Variants in DPP6 observed in about 807,000 individuals in gnomAD.
DPP6 encodes dipeptidyl peptidase like 6.
A neutral mutation model predicts 122.6 loss-of-function variants in DPP6; 69 were observed. The observed-to-expected ratio is 0.56, with a 90% CI of 0.46 to 0.69. DPP6 has a LOEUF of 0.69. Ranked by LOEUF, DPP6 falls within the 30% of genes least tolerant of loss-of-function variation. The pLI is 0.00. For missense variants in DPP6, 928 were observed against 1,116.9 expected (o/e 0.83, Z 2.41); for synonymous variants, 418 against 433.1 (o/e 0.97, Z 0.43).
At chr7:154,707,625 C>A (rs1385279550) in intron 7 of DPP6, among the ~76,000 whole-genome samples, 1 of 152,184 alleles carries the variant, frequency 6.6e-6, no homozygotes, top group Non-Finnish European at 1.5e-5. Context: ...TGAGAATCAT[C>A]AGGAATCTTA....
chr7:154,270,088 C>T (rs1464027788), intron 1 of DPP6, among the ~76,000 whole-genome samples: 1 of 152,102 alleles, frequency 6.6e-6, no homozygotes, highest in Non-Finnish European at 1.5e-5. Context: ...CTCATTTTCC[C>T]ATCGAGTTAA....
the DPP6 span, among the ~76,000 whole-genome samples, chr7:153,808,025 C>G: frequency 6.6e-6 from 1 of 152,104 alleles, no homozygotes; most frequent in African/African-American, 2.4e-5. Flanking sequence ...AGGCTTCCCA[C>G]TGGCTCCTTT....
the DPP6 span, among the ~76,000 whole-genome samples, chr7:153,780,910 C>T: frequency 6.6e-6 from 1 of 152,106 alleles, no homozygotes; most frequent in Non-Finnish European, 1.5e-5. Context: ...CCTGGTGTCT[C>T]CTTGTAACTT....
rs373636744 is a variant in DPP6 at position 154,403,824 on chromosome 7, T to G, written c.244-42390T>G. 3.3e-5 allele frequency among the ~76,000 whole-genome samples: 5 copies of G among 152,346 alleles called. No homozygotes were observed. Among genetic ancestry groups the G allele is most frequent in the African/African-American group, 1.2e-4 (5 of 41,588 alleles). On this transcript the variant is annotated intron_variant, in intron 1 of 25. Transcript: ENST00000377770. The surrounding 1 kb of genome is among the most constrained non-coding windows in gnomAD (Gnocchi z 4.1). The stretch of plus-strand genomic sequence containing the variant: ...TGTAAAGGACAGCTCTTTATTTGGC[T>G]GTGAATATCCACCACTGTCTTCCTA...
chr7:154,858,896 C>T (rs1196270036), intron 17 of DPP6, among the ~76,000 whole-genome samples: 1 of 152,200 alleles, frequency 6.6e-6, no homozygotes, highest in Non-Finnish European at 1.5e-5. Flanking sequence ...CACACAGCAC[C>T]AGGCCCCTTC....
At chr7:154,808,023 T>A (rs765783028) in intron 16 of DPP6, among the ~76,000 whole-genome samples, 62 of 152,052 alleles carry the variant, frequency 4.1e-4, no homozygotes, top group African/African-American at 1.1e-3. Context: ...TGGAAAGATA[T>A]GATATGAACC....
rs1360701984 is a variant in DPP6, at chr7:154,052,761, C to T, written c.-60C>T. On this transcript the variant is annotated 5_prime_UTR_variant, in exon 1 of 26. Transcript: ENST00000377770. This position sits in a 1 kb window ranked among gnomAD's most constrained non-coding sequence, Gnocchi z 4.8. ...TCTGGAGCGGGGTGGGGAGTGGGAACCGGAGAGAAAGCAAAATATTAAAAA... is the reference window on the plus strand; with the variant it reads ...TCTGGAGCGGGGTGGGGAGTGGGAATCGGAGAGAAAGCAAAATATTAAAAA... 1.9e-5 allele frequency: 27 copies of T among 1,400,252 alleles called. No homozygotes were observed. Among genetic ancestry groups the T allele is most frequent in the Non-Finnish European group, 2.5e-5 (27 of 1,061,040 alleles). 86.7% of individuals were successfully genotyped at this position (1,400,252 alleles called of 1,614,324 possible). A position where few individuals can be genotyped will look rare whatever the true frequency, so the allele number is the denominator to read the frequency against.
chr7:153,940,771 A>G (rs895573271), intron 1 of DPP6, among the ~76,000 whole-genome samples: 21 of 152,194 alleles, frequency 1.4e-4, no homozygotes, highest in African/African-American at 5.1e-4. Context: ...TGCCACCTGG[A>G]GTAATCTTCC....
chr7:154,229,636 TC>T (rs1435049622), intron 1 of DPP6, among the ~76,000 whole-genome samples: 1 of 152,212 alleles, frequency 6.6e-6, no homozygotes, highest in Non-Finnish European at 1.5e-5. Flanking sequence ...ATTTGTAAAC[TC>T]CTGATTTTTG....
the DPP6 span, among the ~76,000 whole-genome samples, chr7:153,758,406 G>A: frequency 1.3e-5 from 2 of 152,090 alleles, no homozygotes; most frequent in Non-Finnish European, 2.9e-5. Context: ...GGTTTAATAA[G>A]TATTGACGTG....
chr7:154,548,997 G>A (rs1324215093), intron 4 of DPP6, among the ~76,000 whole-genome samples: 1 of 152,180 alleles, frequency 6.6e-6, no homozygotes, highest in Non-Finnish European at 1.5e-5. Flanking sequence ...AGTGCGGTTA[G>A]TAGGTTGTTT....
chr7:153,999,057 A>AT (rs1412656119), intron 1 of DPP6, among the ~76,000 whole-genome samples: 1 of 152,222 alleles, frequency 6.6e-6, no homozygotes, highest in Non-Finnish European at 1.5e-5. Flanking sequence ...AAGCCCCATC[A>AT]TGCCCCTGTT....
chr7:154,120,778 A>C (rs1253452416), intron 1 of DPP6, among the ~76,000 whole-genome samples: 1 of 152,250 alleles, frequency 6.6e-6, no homozygotes, highest in East Asian at 1.9e-4. Flanking sequence ...TTGTGAAATT[A>C]AAAATGCACC....
intron 1 of DPP6, among the ~76,000 whole-genome samples, chr7:154,260,856 G>A (rs1440304891): frequency 6.6e-6 from 1 of 151,478 alleles, no homozygotes; most frequent in African/African-American, 2.4e-5. Flanking sequence ...ACCTAGTAGT[G>A]GGATTGCTAG....
intron 1 of DPP6, among the ~76,000 whole-genome samples, chr7:153,939,543 A>T (rs758094575): frequency 3.9e-5 from 6 of 152,194 alleles, no homozygotes; most frequent in Non-Finnish European, 7.3e-5. Flanking sequence ...GGAGTCTGAA[A>T]AAAAAGGACC....
intron 5 of DPP6, among the ~76,000 whole-genome samples, chr7:154,604,138 A>G (rs1833510465): frequency 8.2e-6 from 1 of 121,224 alleles, no homozygotes; most frequent in Non-Finnish European, 1.9e-5. Context: ...ATTTTTATTT[A>G]TACTCTGGAG....
chr7:154,379,343 C>A (rs1184681851), intron 1 of DPP6, among the ~76,000 whole-genome samples: 1 of 152,002 alleles, frequency 6.6e-6, no homozygotes, highest in Non-Finnish European at 1.5e-5. Context: ...GAACATCACA[C>A]ACCAGGGCCT....
At chr7:154,302,953 T>A (rs1806008298) in intron 1 of DPP6, among the ~76,000 whole-genome samples, 1 of 151,720 alleles carries the variant, frequency 6.6e-6, no homozygotes, top group Admixed American at 6.6e-5. Flanking sequence ...AGCTCAACAT[T>A]TGACCCATCC....
intron 1 of DPP6, among the ~76,000 whole-genome samples, chr7:154,348,655 C>T (rs868009555): frequency 2.6e-5 from 4 of 152,134 alleles, no homozygotes; most frequent in African/African-American, 2.4e-5. Context: ...TCATTATCGT[C>T]ACTCTTCTCG....
Sources: allele counts gnomAD v4.1 joint callset (sites outside exome capture counted in the v4.1 genomes callset), GRCh38; gene constraint gnomAD v4.1.1; non-coding constraint Gnocchi (gnomAD v3.1); transcripts MANE v1.5; gene names NCBI Gene and HGNC (gene_info 2026-07-23, HGNC 2026-07-21).